GPC5: variants seen among roughly 807,000 people sequenced by gnomAD.
GPC5 encodes glypican 5, also known as glypican-5.
In GPC5, 47 loss-of-function variants were observed where a neutral mutation model predicts 53.9. The ratio of observed to expected loss-of-function variants is 0.87; its 90% CI spans 0.69 to 1.11. GPC5 has a LOEUF of 1.11. Among genes scored for constraint, GPC5 ranks in the 50% most tolerant of loss-of-function variants. The pLI is 0.00. For missense variants in GPC5, 748 were observed against 713.1 expected, an observed-to-expected ratio of 1.05 and a Z score of -0.56; for synonymous variants, 286 against 263.3, an observed-to-expected ratio of 1.09 and a Z score of -0.84.
At chr13:92,636,856 T>C (rs1885421737) in intron 7 of GPC5, among the ~76,000 whole-genome samples, 1 of 152,176 alleles carries the variant, frequency 6.6e-6, no homozygotes, top group Admixed American at 6.5e-5. Flanking sequence ...CGTGGAAAAC[T>C]GAACTCATTA....
Position 92,397,819 on chromosome 13 carries a change from C to A in GPC5, c.1561+252830C>A, listed in dbSNP as rs929778882. Among the ~76,000 whole-genome samples, 11 of 152,248 alleles carry A rather than the reference C, an allele frequency of 7.2e-5. No homozygotes were observed. The East Asian group carries it at 2.1e-3, about 30-fold the overall frequency. On this transcript the variant is annotated intron_variant, in intron 7 of 7. Coordinates refer to ENST00000377067, the MANE Select transcript of GPC5 (RefSeq NM_004466.6). ...AAGCCCTAAGAATATTTCTCACCTA[C>A]AAAATTTCATTTTGTATACATCTCA...
At chr13:92,790,746 C>A (rs962010556) in intron 7 of GPC5, among the ~76,000 whole-genome samples, 3 of 152,108 alleles carry the variant, frequency 2.0e-5, no homozygotes, top group Non-Finnish European at 2.9e-5. Flanking sequence ...AACTGATAGA[C>A]AAGAGACATT....
At chr13:92,782,873 T>C (rs998484598) in intron 7 of GPC5, among the ~76,000 whole-genome samples, 4 of 152,134 alleles carry the variant, frequency 2.6e-5, no homozygotes, top group African/African-American at 9.7e-5. Flanking sequence ...GTTTTAGAAA[T>C]GAAGTCAGAG....
chr13:91,768,787 C>T (rs1366149427), intron 5 of GPC5, among the ~76,000 whole-genome samples: 1 of 132,652 alleles, frequency 7.5e-6, no homozygotes, highest in Non-Finnish European at 1.7e-5. Context: ...TTGCTATTTA[C>T]TAAAACATGT....
chr13:91,412,860 T>A (rs889859280), intron 1 of GPC5, among the ~76,000 whole-genome samples: 1 of 152,232 alleles, frequency 6.6e-6, no homozygotes, highest in African/African-American at 2.4e-5. Context: ...TCCAAGAAAG[T>A]AATTGGACAA....
intron 2 of GPC5, among the ~76,000 whole-genome samples, chr13:91,524,440 T>A (rs1396944772): frequency 6.6e-6 from 1 of 152,208 alleles, no homozygotes; most frequent in Non-Finnish European, 1.5e-5. Flanking sequence ...ATATATTTTT[T>A]TAAATTTAGA....
At chr13:92,447,903 A>C (rs1877896849) in intron 7 of GPC5, 1 of 152,158 alleles carries the variant, frequency 6.6e-6, no homozygotes, top group South Asian at 2.1e-4. Context: ...TTATCTAAGA[A>C]CATTGCAGTT....
intron 7 of GPC5, among the ~76,000 whole-genome samples, chr13:92,357,895 A>G (rs1181238786): frequency 1.3e-5 from 2 of 151,396 alleles, no homozygotes; most frequent in Admixed American, 1.3e-4. Context: ...ACAAATCCAA[A>G]CCATATCATT....
chr13:91,412,239 G>C (rs1006339624), intron 1 of GPC5, among the ~76,000 whole-genome samples: 7 of 152,212 alleles, frequency 4.6e-5, no homozygotes, highest in Admixed American at 3.3e-4. Flanking sequence ...TTTTAACCCA[G>C]TGCCTTTTCG....
chr13:91,499,584 T>C (rs1023662101), intron 2 of GPC5, among the ~76,000 whole-genome samples: 3 of 152,232 alleles, frequency 2.0e-5, no homozygotes, highest in African/African-American at 7.2e-5. Flanking sequence ...CAATTGTTTT[T>C]TAAAATAACT....
chr13:92,842,786 G>A (rs1594543881), intron 7 of GPC5, among the ~76,000 whole-genome samples: 1 of 151,740 alleles, frequency 6.6e-6, no homozygotes, highest in Non-Finnish European at 1.5e-5. Flanking sequence ...AACATCTGAT[G>A]CCCTGAAATT....
intron 7 of GPC5, among the ~76,000 whole-genome samples, chr13:92,762,095 G>C (rs947106379): frequency 6.6e-6 from 1 of 151,728 alleles, no homozygotes; most frequent in Non-Finnish European, 1.5e-5. Context: ...AAGTATAAAA[G>C]TTACTAGTAA....
intron 7 of GPC5, among the ~76,000 whole-genome samples, chr13:92,617,820 A>G (rs1371887028): frequency 6.6e-6 from 1 of 152,176 alleles, no homozygotes; most frequent in Non-Finnish European, 1.5e-5. Flanking sequence ...ACATACTTAC[A>G]GGATTTTATT....
chr13:92,215,657 T>C (rs1225926978), intron 7 of GPC5, among the ~76,000 whole-genome samples: 1 of 152,190 alleles, frequency 6.6e-6, no homozygotes, highest in African/African-American at 2.4e-5. Flanking sequence ...GGCTTCAGTA[T>C]ACTTTCTGAA....
chr13:91,447,988 ATAAAGGT>A (rs1880919023), intron 1 of GPC5, among the ~76,000 whole-genome samples: 3 of 152,156 alleles, frequency 2.0e-5, no homozygotes, highest in Non-Finnish European at 4.4e-5. Flanking sequence ...TCTGCTGTGC[ATAAAGGT>A]GCTTGTCCTG....
chr13:91,564,333 A>G (rs1329224445), intron 2 of GPC5, among the ~76,000 whole-genome samples: 1 of 152,162 alleles, frequency 6.6e-6, no homozygotes, highest in Non-Finnish European at 1.5e-5. Flanking sequence ...TAAAGAGGTA[A>G]CAAGTCAGCT....
intron 4 of GPC5, 102 bp downstream of exon 4, chr13:91,728,767 G>GAA: frequency 1.9e-6 from 2 of 1,079,914 alleles, no homozygotes; most frequent in Non-Finnish European, 2.5e-6. Flanking sequence ...ATTCAATATG[G>GAA]ACAAAAAAAA....
chr13:92,378,561 T>C (rs1344068964), intron 7 of GPC5, among the ~76,000 whole-genome samples: 2 of 152,230 alleles, frequency 1.3e-5, no homozygotes, highest in Non-Finnish European at 2.9e-5. Context: ...GCGTGGACTT[T>C]GGAGCCAAGG....
intron 2 of GPC5, among the ~76,000 whole-genome samples, chr13:91,555,176 A>C (rs1317754334): frequency 6.6e-6 from 1 of 152,096 alleles, no homozygotes; most frequent in Non-Finnish European, 1.5e-5. Flanking sequence ...ACTAGAATAC[A>C]GTATCACCAC....
Sources: gnomAD v4.1 joint callset for allele counts (sites outside exome capture counted in the v4.1 genomes callset) on GRCh38, gnomAD v4.1.1 for gene constraint, MANE v1.5 for transcripts, NCBI Gene and HGNC (gene_info 2026-07-23, HGNC 2026-07-21) for gene names.